Variants in METTL24 observed in about 807,000 individuals in gnomAD.
The protein encoded by METTL24 is methyltransferase like 24.
A neutral mutation model predicts 32.7 loss-of-function variants in METTL24; 29 were observed. That is an observed-to-expected ratio of 0.89 (90% CI 0.66 to 1.21). The LOEUF is 1.21. Among genes scored for constraint, METTL24 ranks in the 50% most tolerant of loss-of-function variants. The pLI, the probability that METTL24 is intolerant of heterozygous loss-of-function variation, is 0.00. For missense variants in METTL24, 439 were observed against 468.1 expected (o/e 0.94, Z 0.57); for synonymous variants, 163 against 179.5 (o/e 0.91, Z 0.73).
chr6:110,291,210 T>C (rs747746608), intron 4 of METTL24, among the ~76,000 whole-genome samples: 9 of 152,208 alleles, frequency 5.9e-5, no homozygotes, highest in Non-Finnish European at 8.8e-5. Flanking sequence ...CCAATTTATC[T>C]TTTTAAAATT....
chr6:110,261,287 T>C (rs1365028307), intron 4 of METTL24, among the ~76,000 whole-genome samples: 1 of 150,162 alleles, frequency 6.7e-6, no homozygotes. Flanking sequence ...ACCAAGCAAA[T>C]GGAAAACAAA....
intron 4 of METTL24, among the ~76,000 whole-genome samples, chr6:110,261,516 G>A (rs1397413157): frequency 1.3e-5 from 2 of 152,264 alleles, no homozygotes; most frequent in South Asian, 2.1e-4. Flanking sequence ...CAATAATAAT[G>A]GGAGACTTTA....
At chr6:110,329,888 C>T (rs1772083412) in intron 1 of METTL24, among the ~76,000 whole-genome samples, 1 of 152,222 alleles carries the variant, frequency 6.6e-6, no homozygotes, top group African/African-American at 2.4e-5. Flanking sequence ...AAAACCTGGA[C>T]AGAATGCACA....
intron 4 of METTL24, among the ~76,000 whole-genome samples, chr6:110,260,095 A>G (rs1040612679): frequency 6.6e-6 from 1 of 152,222 alleles, no homozygotes; most frequent in Non-Finnish European, 1.5e-5. Context: ...CTCACCAGCA[A>G]TGGAACAAAG....
intron 4 of METTL24, among the ~76,000 whole-genome samples, chr6:110,296,931 T>G (rs1176177461): frequency 6.6e-6 from 1 of 152,154 alleles, no homozygotes; most frequent in African/African-American, 2.4e-5. Context: ...CCCGCATAGC[T>G]CCTAGAAGCA....
chr6:110,287,214 GCAAAAA>G (rs746018134), intron 4 of METTL24, among the ~76,000 whole-genome samples: 5 of 152,212 alleles, frequency 3.3e-5, no homozygotes, highest in African/African-American at 4.8e-5. Context: ...ATGAATTTTG[GCAAAAA>G]CAAAAACAAA....
intron 4 of METTL24, among the ~76,000 whole-genome samples, chr6:110,263,275 C>G (rs986633671): frequency 3.9e-5 from 6 of 152,190 alleles, no homozygotes; most frequent in African/African-American, 1.4e-4. Context: ...AGCAAAGTCT[C>G]AGGATACAAA....
chr6:110,285,745 G>T (rs190263178), intron 4 of METTL24, among the ~76,000 whole-genome samples: 1 of 152,326 alleles, frequency 6.6e-6, no homozygotes, highest in East Asian at 1.9e-4. Context: ...AGGAAAGGAA[G>T]TCACACAAAG....
intron 2 of METTL24, among the ~76,000 whole-genome samples, chr6:110,317,288 G>A (rs535376320): frequency 1.4e-4 from 21 of 152,284 alleles, no homozygotes; most frequent in Admixed American, 2.6e-4. Flanking sequence ...AACTGGGTGC[G>A]TCAACATGTT....
At chr6:110,341,087 T>C (rs1329193113) in intron 1 of METTL24, among the ~76,000 whole-genome samples, 1 of 151,994 alleles carries the variant, frequency 6.6e-6, no homozygotes, top group Non-Finnish European at 1.5e-5. Context: ...TGAACAAATA[T>C]ACACATATTT....
intron 4 of METTL24, chr6:110,253,874 C>A: frequency 7.0e-7 from 1 of 1,426,314 alleles, no homozygotes; most frequent in Non-Finnish European, 9.2e-7. Flanking sequence ...CTAAAATTTT[C>A]TCTCAAACAG....
chr6:110,306,264 C>T (rs1473966569), intron 3 of METTL24, among the ~76,000 whole-genome samples: 5 of 151,564 alleles, frequency 3.3e-5, no homozygotes, highest in African/African-American at 4.9e-5. Flanking sequence ...GTGTAGCAGA[C>T]CTGCATGTTC....
At chr6:110,302,839 A>C (rs1452464350) in intron 3 of METTL24, among the ~76,000 whole-genome samples, 1 of 152,110 alleles carries the variant, frequency 6.6e-6, no homozygotes, top group Non-Finnish European at 1.5e-5. Context: ...TCAAGTTGTA[A>C]GAAGTATGTA....
Position 110,316,904 on chromosome 6 carries a change from G to A in METTL24, c.418-1423C>T, listed in dbSNP as rs547927009. On this transcript the variant is annotated intron_variant, in intron 2 of 4. Transcript: ENST00000338882. ...CAGACCCTGTCTCAAAAAAATAAAAGAAAGAAAGAAAAGAAAAGAAAAAAA... is the reference window on the plus strand; with the variant it reads ...CAGACCCTGTCTCAAAAAAATAAAAAAAAGAAAGAAAAGAAAAGAAAAAAA... 1.3e-3 allele frequency among the ~76,000 whole-genome samples: 191 copies of A among 151,910 alleles called. 1 individual carries two copies. Among genetic ancestry groups the A allele is most frequent in the Middle Eastern group, 3.4e-3 (1 of 294 alleles).
chr6:110,258,319 C>T (rs1450511421), intron 4 of METTL24, among the ~76,000 whole-genome samples: 2 of 152,146 alleles, frequency 1.3e-5, no homozygotes, highest in South Asian at 2.1e-4. Flanking sequence ...TAGCCAAAAG[C>T]CATCTATATA....
chr6:110,329,702 G>A (rs759629471), intron 1 of METTL24, among the ~76,000 whole-genome samples: 20 of 152,024 alleles, frequency 1.3e-4, no homozygotes, highest in Non-Finnish European at 2.5e-4. Flanking sequence ...TCCTGTAATT[G>A]GCCTGTTTCT....
chr6:110,255,592 G>A (rs910101510), intron 4 of METTL24, among the ~76,000 whole-genome samples: 3 of 152,150 alleles, frequency 2.0e-5, no homozygotes, highest in African/African-American at 7.2e-5. Flanking sequence ...CTGCTTTTCT[G>A]TCTTCATTTC....
chr6:110,292,392 TTTTA>T (rs1222616938), intron 4 of METTL24, among the ~76,000 whole-genome samples: 18 of 152,316 alleles, frequency 1.2e-4, no homozygotes, highest in African/African-American at 3.8e-4. Flanking sequence ...CTAACTATAG[TTTTA>T]TTTGTCTTTC....
At chr6:110,260,399 A>C (rs547435158) in intron 4 of METTL24, among the ~76,000 whole-genome samples, 2 of 152,342 alleles carry the variant, frequency 1.3e-5, no homozygotes, top group East Asian at 1.9e-4. Flanking sequence ...ATGAAGCGAG[A>C]AGAGAAGTTT....
Sources: gnomAD v4.1 joint callset for allele counts (sites outside exome capture counted in the v4.1 genomes callset) on GRCh38, gnomAD v4.1.1 for gene constraint, MANE v1.5 for transcripts, NCBI Gene and HGNC (gene_info 2026-07-23, HGNC 2026-07-21) for gene names.